Variants in ARHGEF4 observed in about 807,000 individuals in gnomAD.
ARHGEF4 encodes Rho guanine nucleotide exchange factor 4, also known as APC-stimulated guanine nucleotide exchange factor 1.
A neutral mutation model predicts 162.0 loss-of-function variants in ARHGEF4; 119 were observed. The ratio of observed to expected loss-of-function variants is 0.73; its 90% CI spans 0.63 to 0.86. The LOEUF (loss-of-function observed/expected upper bound fraction) is 0.86. ARHGEF4 is among the 40% of genes least tolerant of loss of function. The pLI is 0.00. For missense variants in ARHGEF4, 2,488 were observed against 2,456.0 expected (o/e 1.01, Z -0.28); for synonymous variants, 1,014 against 979.9 (o/e 1.03, Z -0.65).
At chr2:130,876,135 G>T (rs148475014) in intron 1 of ARHGEF4, among the ~76,000 whole-genome samples, 1 of 152,098 alleles carries the variant, frequency 6.6e-6, no homozygotes, top group Non-Finnish European at 1.5e-5. Flanking sequence ...TCCTCACCCC[G>T]CAGGTGATTC....
At chr2:131,003,885 A>C (rs530650241) in intron 4 of ARHGEF4, among the ~76,000 whole-genome samples, 4 of 152,190 alleles carry the variant, frequency 2.6e-5, no homozygotes, top group Non-Finnish European at 5.9e-5. Context: ...GTAACTGGGT[A>C]ATAACGACCT....
At chr2:130,870,675 G>A (rs1163661807) in intron 1 of ARHGEF4, among the ~76,000 whole-genome samples, 1 of 152,142 alleles carries the variant, frequency 6.6e-6, no homozygotes, top group Non-Finnish European at 1.5e-5. Context: ...GGAGGGGAAG[G>A]GAACTCACTT....
chr2:131,019,720 G>T (rs181015417), intron 4 of ARHGEF4, among the ~76,000 whole-genome samples: 366 of 152,060 alleles, frequency 2.4e-3, no homozygotes, highest in African/African-American at 8.5e-3. Flanking sequence ...TGCAAGCTCC[G>T]CCTCCCGGGT....
At chr2:130,913,012 T>G (rs1346442746) in intron 1 of ARHGEF4, among the ~76,000 whole-genome samples, 1 of 152,232 alleles carries the variant, frequency 6.6e-6, no homozygotes, top group Non-Finnish European at 1.5e-5. Flanking sequence ...GCTTACACTT[T>G]GTCATAGGTA....
chr2:131,041,988 C>T, intron 10 of ARHGEF4, 44 bp downstream of exon 10: 1 of 1,592,510 alleles, frequency 6.3e-7, no homozygotes, highest in Non-Finnish European at 8.6e-7. Flanking sequence ...GTCTTGGCCC[C>T]TCGCTTTAAA....
chr2:130,881,611 C>T (rs576607433), intron 1 of ARHGEF4, among the ~76,000 whole-genome samples: 1 of 152,046 alleles, frequency 6.6e-6, no homozygotes, highest in South Asian at 2.1e-4. Context: ...TACAGCTGTG[C>T]GTGAGCTGTT....
intron 4 of ARHGEF4, among the ~76,000 whole-genome samples, chr2:131,022,183 C>T (rs1689176876): frequency 6.6e-6 from 1 of 152,078 alleles, no homozygotes; most frequent in South Asian, 2.1e-4. Flanking sequence ...GGAAGTATTC[C>T]TTCCTCTTCA....
chr2:130,946,422 TCA>T, intron 3 of ARHGEF4, 85 bp from the exon 4 acceptor site: 4 of 1,494,808 alleles, frequency 2.7e-6, no homozygotes, highest in Non-Finnish European at 3.6e-6. Flanking sequence ...TGAAAAGTCC[TCA>T]GCAATTAGAA....
intron 4 of ARHGEF4, among the ~76,000 whole-genome samples, chr2:130,947,471 G>C (rs1204070898): frequency 6.6e-6 from 1 of 152,148 alleles, no homozygotes; most frequent in African/African-American, 2.4e-5. Flanking sequence ...ACTACTGACT[G>C]TCCCTTCGTC....
chr2:130,864,500 G>T (rs1013942373), intron 1 of ARHGEF4, among the ~76,000 whole-genome samples: 1 of 152,152 alleles, frequency 6.6e-6, no homozygotes, highest in Non-Finnish European at 1.5e-5. Flanking sequence ...CGAGGCAGGC[G>T]AATCACTAGA....
intron 4 of ARHGEF4, among the ~76,000 whole-genome samples, chr2:131,006,178 AACT>A (rs2105322258): frequency 6.6e-6 from 1 of 152,264 alleles, no homozygotes; most frequent in South Asian, 2.1e-4. Flanking sequence ...AGCACTCTGG[AACT>A]ACATCTGCCT....
intron 1 of ARHGEF4, 44 bp downstream of exon 1, chr2:130,837,036 C>A: frequency 5.7e-6 from 7 of 1,225,726 alleles, no homozygotes; most frequent in Non-Finnish European, 7.1e-6. Flanking sequence ...TCCCGGCGCC[C>A]TGCGCGGGTG....
intron 4 of ARHGEF4, among the ~76,000 whole-genome samples, chr2:131,016,145 C>G (rs1243889038): frequency 6.6e-6 from 1 of 152,154 alleles, no homozygotes; most frequent in Admixed American, 6.5e-5. Flanking sequence ...GCCTGGAACA[C>G]TCTTCACCCC....
At chr2:130,981,127 G>T (rs545910254) in intron 4 of ARHGEF4, among the ~76,000 whole-genome samples, 12 of 152,174 alleles carry the variant, frequency 7.9e-5, no homozygotes, top group African/African-American at 2.9e-4. Flanking sequence ...TAGCTCTGTA[G>T]ATCATTAGAG....
At chr2:130,960,079 T>C (rs1684541220) in intron 4 of ARHGEF4, among the ~76,000 whole-genome samples, 1 of 152,140 alleles carries the variant, frequency 6.6e-6, no homozygotes, top group African/African-American at 2.4e-5. Flanking sequence ...ATATATACAG[T>C]CATGTGCCAT....
intron 1 of ARHGEF4, among the ~76,000 whole-genome samples, chr2:130,860,256 C>A: frequency 1.5e-4 from 1 of 6,506 alleles, no homozygotes; most frequent in Non-Finnish European, 2.5e-4. Flanking sequence ...TGCATTTATC[C>A]AAGAGAAATG....
At chr2:130,918,194 A>G (rs1427473938) in intron 2 of ARHGEF4, among the ~76,000 whole-genome samples, 1 of 152,130 alleles carries the variant, frequency 6.6e-6, no homozygotes, top group Non-Finnish European at 1.5e-5. Flanking sequence ...AATGGCTTCT[A>G]CTTTATCGTA....
rs116793306 is a variant in ARHGEF4, at chr2:130,976,670, C to T, written c.3985+30035C>T. Reference sequence around the variant, plus strand: ...AGTCCTAAAATCTCAACCAAAAACTCGACGTGTAGGATGTGGTGGAGAAGG... The same window carrying T: ...AGTCCTAAAATCTCAACCAAAAACTTGACGTGTAGGATGTGGTGGAGAAGG... On this transcript the variant is annotated intron_variant, in intron 4 of 13. Transcript: ENST00000409359. Among the ~76,000 whole-genome samples, 419 of 152,228 alleles carry T rather than the reference C, an allele frequency of 2.8e-3. 1 individual carries two copies. The highest frequency in any genetic ancestry group is 9.8e-3 in the African/African-American group (407 of 41,532).
chr2:130,918,896 A>G (rs1412063259), intron 2 of ARHGEF4, among the ~76,000 whole-genome samples: 2 of 152,186 alleles, frequency 1.3e-5, no homozygotes, highest in East Asian at 1.9e-4. Context: ...GCCAAACAAT[A>G]CAGATGTAGA....
Sources: gnomAD v4.1 joint callset for allele counts (sites outside exome capture counted in the v4.1 genomes callset) on GRCh38, gnomAD v4.1.1 for gene constraint, MANE v1.5 for transcripts, NCBI Gene and HGNC (gene_info 2026-07-23, HGNC 2026-07-21) for gene names.